SH3KBP1: variants seen among roughly 807,000 people sequenced by gnomAD.
SH3KBP1 encodes SH3 domain containing kinase binding protein 1.
A neutral mutation model predicts 50.1 loss-of-function variants in SH3KBP1; 8 were observed. The observed-to-expected ratio is 0.16, with a 90% CI of 0.09 to 0.29. SH3KBP1 has a LOEUF of 0.29. Ranked by LOEUF, SH3KBP1 falls within the 10% of genes least tolerant of loss-of-function variation. The pLI, the probability that SH3KBP1 is intolerant of heterozygous loss-of-function variation, is 1.00. For missense variants in SH3KBP1, 377 were observed against 535.2 expected (o/e 0.70, Z 2.92); for synonymous variants, 227 against 218.6 (o/e 1.04, Z -0.34).
chrX:19,666,039 G>A (rs1352948099), intron 6 of SH3KBP1, among the ~76,000 whole-genome samples: 1 of 108,984 alleles, frequency 9.2e-6, no homozygotes, highest in Non-Finnish European at 1.9e-5. Context: ...ACAAAAGAGG[G>A]TCACAATTAA....
At chrX:19,551,550 C>CTTTTTTT (rs397800260) in intron 13 of SH3KBP1, among the ~76,000 whole-genome samples, 1,335 of 95,095 alleles carry the variant, frequency 0.014, 84 homozygotes, top group African/African-American at 0.055. Flanking sequence ...CTCCCTCCCT[C>CTTTTTTT]TTTTTTTTTT....
chrX:19,777,779 C>T (rs1454683289), intron 2 of SH3KBP1, among the ~76,000 whole-genome samples: 2 of 111,598 alleles, frequency 1.8e-5, no homozygotes, highest in African/African-American at 3.3e-5. Context: ...TGGAGTTCCA[C>T]ACCAGCAGCA....
At chrX:19,687,573 A>G in intron 5 of SH3KBP1, 1 of 1,063,833 alleles carries the variant, frequency 9.4e-7, no homozygotes, top group Non-Finnish European at 1.3e-6. Flanking sequence ...ACAAGTACCC[A>G]GATCTTATCT....
chrX:19,601,853 T>C (rs149504766), intron 9 of SH3KBP1, among the ~76,000 whole-genome samples: 1 of 111,167 alleles, frequency 9.0e-6, no homozygotes, highest in Non-Finnish European at 1.9e-5. Flanking sequence ...CCCCAGCAAC[T>C]GCCTGCCCTG....
intron 3 of SH3KBP1, among the ~76,000 whole-genome samples, chrX:19,720,728 G>C (rs903557050): frequency 1.8e-5 from 2 of 111,452 alleles, no homozygotes; most frequent in Non-Finnish European, 3.8e-5. Context: ...GGCAGGGAGG[G>C]GGAAAAGATG....
At chrX:19,554,862 A>G (rs1248429978) in intron 13 of SH3KBP1, among the ~76,000 whole-genome samples, 1 of 113,035 alleles carries the variant, frequency 8.8e-6, no homozygotes, top group African/African-American at 3.2e-5. Flanking sequence ...GCATTTTTCC[A>G]TAGACCATGA....
rs73631370 is a variant in SH3KBP1 at position 19,771,495 on chromosome X, G to C, written c.163-25054C>G. 4.9e-3 allele frequency among the ~76,000 whole-genome samples: 544 copies of C among 111,408 alleles called. 2 individuals carry two copies. The highest frequency in any genetic ancestry group is 0.016 in the African/African-American group (504 of 30,663). ...TGAAGCTCTCTGGTCTTTGAGGAAA[G>C]GGTTCTGCAACTTTAAAAAACTTGA... On this transcript the variant is annotated intron_variant, in intron 2 of 17. Coordinates refer to ENST00000397821, the MANE Select transcript of SH3KBP1 (RefSeq NM_031892.3).
intron 8 of SH3KBP1, among the ~76,000 whole-genome samples, chrX:19,628,477 G>C (rs2061502996): frequency 9.0e-6 from 1 of 111,459 alleles, no homozygotes; most frequent in Non-Finnish European, 1.9e-5. Flanking sequence ...ACACAGCCAG[G>C]AACAGTGGAG....
chrX:19,844,758 G>A (rs1481569833), intron 1 of SH3KBP1, among the ~76,000 whole-genome samples: 3 of 111,878 alleles, frequency 2.7e-5, no homozygotes, highest in African/African-American at 9.8e-5. Context: ...ATTAACCCCT[G>A]CAAACCTAAC....
intron 5 of SH3KBP1, among the ~76,000 whole-genome samples, chrX:19,691,612 GA>G (rs978697099): frequency 3.7e-5 from 4 of 108,682 alleles, no homozygotes; most frequent in African/African-American, 1.0e-4. Context: ...AAAATTACAA[GA>G]AAAAAAGGAG....
intron 12 of SH3KBP1, among the ~76,000 whole-genome samples, chrX:19,583,918 AAT>A (rs1298939043): frequency 1.0e-5 from 1 of 98,398 alleles, no homozygotes; most frequent in Non-Finnish European, 2.0e-5. Context: ...TAAATATATA[AAT>A]ATATATCATT....
At chrX:19,619,603 T>TGGCG (rs2067741113) in intron 8 of SH3KBP1, among the ~76,000 whole-genome samples, 1 of 110,737 alleles carries the variant, frequency 9.0e-6, no homozygotes, top group South Asian at 3.8e-4. Context: ...CTGGCCAACA[T>TGGCG]AAACCCCAGC....
At chrX:19,652,774 G>C (rs1034065647) in intron 6 of SH3KBP1, among the ~76,000 whole-genome samples, 2 of 111,581 alleles carry the variant, frequency 1.8e-5, no homozygotes, top group Non-Finnish European at 3.8e-5. Flanking sequence ...TGGAATAGTT[G>C]AGTGAACATC....
At chrX:19,879,722 A>G (rs2069375471) in intron 1 of SH3KBP1, among the ~76,000 whole-genome samples, 1 of 112,727 alleles carries the variant, frequency 8.9e-6, no homozygotes, top group Admixed American at 9.3e-5. Flanking sequence ...GAAAGTCCCA[A>G]AGAGTCCTGT....
At chrX:19,749,088 A>G (rs1158861854) in intron 2 of SH3KBP1, among the ~76,000 whole-genome samples, 2 of 112,708 alleles carry the variant, frequency 1.8e-5, no homozygotes, top group Non-Finnish European at 3.7e-5. Context: ...GAAAACCACA[A>G]TGAAATACCC....
At chrX:19,812,286 T>C (rs138705693) in intron 2 of SH3KBP1, among the ~76,000 whole-genome samples, 1 of 111,311 alleles carries the variant, frequency 9.0e-6, no homozygotes, top group Non-Finnish European at 1.9e-5. Context: ...TGTGTGTTTG[T>C]GTGACTTTTG....
At chrX:19,715,534 TGCAGCCTGG>T (rs981852257) in intron 3 of SH3KBP1, among the ~76,000 whole-genome samples, 4 of 111,247 alleles carry the variant, frequency 3.6e-5, no homozygotes, top group African/African-American at 1.3e-4. Context: ...TGGTCTGAGG[TGCAGCCTGG>T]GCATCTGGAT....
intron 1 of SH3KBP1, among the ~76,000 whole-genome samples, chrX:19,857,312 T>G (rs1045333235): frequency 9.0e-6 from 1 of 110,709 alleles, no homozygotes; most frequent in African/African-American, 3.3e-5. Flanking sequence ...GAAGGACTCA[T>G]GGGCAGAGGC....
chrX:19,730,004 T>C (rs2064329042), intron 3 of SH3KBP1, among the ~76,000 whole-genome samples: 1 of 109,839 alleles, frequency 9.1e-6, no homozygotes, highest in Non-Finnish European at 1.9e-5. Flanking sequence ...ACTGAGCGAT[T>C]TTTTTTTTCC....
Sources: allele counts gnomAD v4.1 joint callset (sites outside exome capture counted in the v4.1 genomes callset), GRCh38; gene constraint gnomAD v4.1.1; transcripts MANE v1.5; gene names NCBI Gene and HGNC (gene_info 2026-07-23, HGNC 2026-07-21).